Variants in GOLGB1 observed in about 807,000 individuals in gnomAD.
GOLGB1 encodes the protein golgin subfamily B member 1.
In GOLGB1, 174 loss-of-function variants were observed where a neutral mutation model predicts 336.9. The observed-to-expected ratio is 0.52, with a 90% CI of 0.46 to 0.59. The LOEUF (loss-of-function observed/expected upper bound fraction) is 0.59, where lower values mean the gene tolerates loss of function less well. Among genes scored for constraint, GOLGB1 ranks in the 20% least tolerant of loss-of-function variants. The pLI is 0.00. For missense variants in GOLGB1, 3,331 were observed against 3,645.3 expected (o/e 0.91, Z 2.22); for synonymous variants, 1,208 against 1,289.2 (o/e 0.94, Z 1.35).
rs185765330 is a variant in GOLGB1 at position 121,668,394 on chromosome 3, G to C, written c.9322-236C>G. The C allele has an allele frequency of 2.6e-4, 81 of 306,314 alleles. 1 individual carries two copies. The South Asian group carries it at 3.4e-3, about 13-fold the overall frequency. The allele number at this position is 306,314 out of a possible 1,614,324, so 19.0% of individuals were successfully genotyped here. On this transcript the variant is annotated intron_variant, in intron 18 of 21. Transcript: ENST00000614479. ...TTCTCCTCTTAAAAGTTAAGTCTGG[G>C]CCGGGCGCCGTGGCTCAAGCCTGTA...
chr3:121,693,382 G>C (rs1339686884), intron 13 of GOLGB1, among the ~76,000 whole-genome samples: 1 of 152,162 alleles, frequency 6.6e-6, no homozygotes, highest in African/African-American at 2.4e-5. Context: ...CAGCTACTCG[G>C]GAGGCTGAGG....
chr3:121,678,118 C>A (rs1940638177), intron 15 of GOLGB1, among the ~76,000 whole-genome samples: 2 of 152,184 alleles, frequency 1.3e-5, no homozygotes, highest in African/African-American at 4.8e-5. Flanking sequence ...GCTCTGCAAT[C>A]ATCATCATTT....
At chr3:121,742,008 G>A (rs1490265945) in intron 1 of GOLGB1, among the ~76,000 whole-genome samples, 2 of 152,060 alleles carry the variant, frequency 1.3e-5, no homozygotes, top group East Asian at 3.8e-4. Context: ...GAATATGTAT[G>A]AATAAGAATT....
At chr3:121,710,578 C>A (rs1257716009) in intron 10 of GOLGB1, among the ~76,000 whole-genome samples, 2 of 152,110 alleles carry the variant, frequency 1.3e-5, no homozygotes, top group Non-Finnish European at 2.9e-5. Context: ...GTGGCTCATG[C>A]CTATAATTCC....
chr3:121,722,274 C>T lies in GOLGB1; in HGVS notation c.636G>A (p.Glu212=), dbSNP rs1945252750. 6.2e-7 allele frequency: 1 copy of T among 1,600,578 alleles called. No homozygotes were observed. The highest frequency in any genetic ancestry group is 1.3e-5 in the African/African-American group (1 of 74,718). The change falls in exon 6 of 22, where the codon GAG becomes GAA. Residue 212 remains glutamate, a synonymous_variant. Coordinates refer to ENST00000614479, the MANE Select transcript of GOLGB1 (RefSeq NM_001366282.2). ...GTGAGGTCCCTACCTGTGCAGCTTG[C>T]TCTGCCTGTGTCTGGCTGAGCTGGG... is the stretch of plus-strand genomic sequence containing the variant. ...LQAQLSQTQA[E]QAAQLSSMQQ...
At chr3:121,726,433 C>CAAAAAA (rs10547964) in intron 5 of GOLGB1, among the ~76,000 whole-genome samples, 85 of 61,392 alleles carry the variant, frequency 1.4e-3, no homozygotes, top group South Asian at 2.4e-3. Context: ...CACCCTGTCT[C>CAAAAAA]AAAAAAAAAA....
At chr3:121,721,343 A>AC (rs927475207) in intron 6 of GOLGB1, among the ~76,000 whole-genome samples, 38 of 151,412 alleles carry the variant, frequency 2.5e-4, no homozygotes, top group African/African-American at 7.0e-4. Flanking sequence ...CGCTGCCCCC[A>AC]CCCCCCAAAA....
chr3:121,684,141 A>C lies in GOLGB1; in HGVS notation c.8695-2276T>G, dbSNP rs866867856. Reference sequence around the variant, plus strand: ...AGACGCCGTCTCAAAAAAAAAAAAAAAAAAAAAAAAACAAGAAAATCTGTC... The same window carrying C: ...AGACGCCGTCTCAAAAAAAAAAAAACAAAAAAAAAAACAAGAAAATCTGTC... On this transcript the variant is annotated intron_variant, in intron 14 of 21. Transcript: ENST00000614479. Among the ~76,000 whole-genome samples, 23 of 148,664 alleles carry C rather than the reference A, an allele frequency of 1.5e-4. No individual in the cohort carries two copies. The South Asian group carries it at 4.4e-3, about 29-fold the overall frequency.
intron 1 of GOLGB1, among the ~76,000 whole-genome samples, chr3:121,731,852 T>C (rs931078667): frequency 1.3e-5 from 2 of 151,366 alleles, no homozygotes; most frequent in African/African-American, 4.9e-5. Flanking sequence ...TTAATAAAAA[T>C]AGAAAAATAG....
At chr3:121,747,819 T>C (rs890995564) in intron 1 of GOLGB1, among the ~76,000 whole-genome samples, 30 of 152,288 alleles carry the variant, frequency 2.0e-4, no homozygotes, top group African/African-American at 7.0e-4. Context: ...TTTTACATTG[T>C]ATCCTTCTGT....
Position 121,694,886 on chromosome 3 carries a change from CAGTA to C in GOLGB1, c.5633_5636del (p.Leu1878Ter), listed in dbSNP as rs1942797892. The stretch of plus-strand genomic sequence containing the variant: ...CACCATCCTTTGTTGATATCTGACT[CAGTA>C]AGGTATTTTTCTCATTTTCTAAAGT... On this transcript the variant is annotated frameshift_variant, in exon 13 of 22. Transcript: ENST00000614479. LOFTEE classifies it high-confidence loss of function. The C allele has an allele frequency of 6.2e-7, 1 of 1,613,294 alleles. No homozygotes were observed.
intron 1 of GOLGB1, among the ~76,000 whole-genome samples, chr3:121,734,199 G>A (rs992290753): frequency 6.6e-6 from 1 of 152,002 alleles, no homozygotes; most frequent in African/African-American, 2.4e-5. Context: ...ACACCAGCCT[G>A]GCCAACATGG....
chr3:121,677,516 T>C (rs1383862565), intron 15 of GOLGB1, 66 bp from the exon 16 acceptor site: 2 of 1,044,996 alleles, frequency 1.9e-6, no homozygotes, highest in Non-Finnish European at 1.5e-6. Context: ...AGCTCGCACC[T>C]GTAACCTCAG....
chr3:121,729,321 T>C lies in GOLGB1; in HGVS notation c.269A>G (p.Asp90Gly). The change falls in exon 4 of 22, where the codon GAT (aspartate) becomes GGT (glycine). Residue 90 changes from aspartate (D) to glycine (G), a missense_variant. Asp to Gly is a moderately conservative substitution (Grantham distance 94, BLOSUM62 -1). Transcript: ENST00000614479. ...EALQEERKAA[D>G]NKIKKLKLHA... ...AAGTTTTAGTTTTTTAATTTTGTTA[T>C]CAGCAGCTTTTCTCTCTTCCTGCCC... 38 of 1,612,666 alleles carry C rather than the reference T, an allele frequency of 2.4e-5. No individual in the cohort carries two copies. Among genetic ancestry groups the C allele is most frequent in the Non-Finnish European group, 3.1e-5 (37 of 1,179,134 alleles).
Position 121,669,332 on chromosome 3 carries a change from T to C in GOLGB1, c.9201A>G (p.Lys3067=). The change falls in exon 18 of 22, where the codon AAA becomes AAG. Residue 3067 remains lysine (K), a synonymous_variant. Transcript: ENST00000614479. ...NSNFSQLLEE[K]NTLSIQLCDT... is the part of the protein sequence containing the mutation. ...CGCAGAGCTGAATGGAAAGGGTGTT[T>C]TTCTCTTCCAGTAGCTGAGAGAACT... 1.2e-6 allele frequency: 2 copies of C among 1,614,064 alleles called. No homozygotes were observed. Among genetic ancestry groups the C allele is most frequent in the Non-Finnish European group, 1.7e-6 (2 of 1,179,918 alleles).
At position 121,721,453 on chromosome 3, in the gene GOLGB1, C is replaced by G. The variant is rs1456692023; in HGVS notation, c.648+809G>C. Among the ~76,000 whole-genome samples, 12 of 152,010 alleles carry G rather than the reference C, an allele frequency of 7.9e-5. 1 individual carries two copies. The highest frequency in any genetic ancestry group is 7.9e-4 in the Admixed American group (12 of 15,254). ...GCCTGCCTGGGCAACATATTGAGAA[C>G]CTGTCTCTTCAAAAAATGTAAAAAA... On this transcript the variant is annotated intron_variant, in intron 6 of 21. Coordinates refer to ENST00000614479, the MANE Select transcript of GOLGB1 (RefSeq NM_001366282.2).
chr3:121,732,837 A>G (rs181030683), intron 1 of GOLGB1, among the ~76,000 whole-genome samples: 1 of 152,200 alleles, frequency 6.6e-6, no homozygotes, highest in African/African-American at 2.4e-5. Flanking sequence ...GTCTCTTACT[A>G]CTTCTATCTA....
At chr3:121,718,104 G>T (rs899865944) in intron 8 of GOLGB1, among the ~76,000 whole-genome samples, 1 of 152,130 alleles carries the variant, frequency 6.6e-6, no homozygotes, top group Non-Finnish European at 1.5e-5. Flanking sequence ...TACTCAATCT[G>T]TATGACATTC....
In GOLGB1 at chr3:121,719,691, A is replaced by C. The variant is rs771719743; in HGVS notation, c.726T>G (p.Leu242=). ...ETQVRLHEDE[L]LQLVTQADVE... is the part of the protein sequence containing the mutation. Reference sequence around the variant, plus strand: ...CATCTGCCTGGGTTACTAACTGAAGAAGCTCATCTTCATGAAGACGAACTT... The same window carrying C: ...CATCTGCCTGGGTTACTAACTGAAGCAGCTCATCTTCATGAAGACGAACTT... Residue 242 remains leucine (L), a synonymous_variant, in exon 7 of 22, where the codon CTT becomes CTG. Coordinates refer to ENST00000614479, the MANE Select transcript of GOLGB1 (RefSeq NM_001366282.2). The C allele has an allele frequency of 1.1e-5, 18 of 1,611,100 alleles. No homozygotes were observed. Among genetic ancestry groups the C allele is most frequent in the East Asian group, 2.2e-5 (1 of 44,580 alleles).
Sources: gnomAD v4.1 joint callset for allele counts (sites outside exome capture counted in the v4.1 genomes callset) on GRCh38, gnomAD v4.1.1 for gene constraint, MANE v1.5 for transcripts, NCBI Gene and HGNC (gene_info 2026-07-23, HGNC 2026-07-21) for gene names.